The following RARS2 variants were observed in gnomAD, a reference collection of about 807,000 sequenced individuals.
RARS2 encodes probable arginine--tRNA ligase, mitochondrial.
In RARS2, 67 loss-of-function variants were observed where a neutral mutation model predicts 88.5. That is an observed-to-expected ratio of 0.76 (90% CI 0.62 to 0.93). The LOEUF is 0.93. Ranked by LOEUF, RARS2 falls within the 40% of genes least tolerant of loss-of-function variation. RARS2 has a pLI of 0.00. For missense variants in RARS2, 664 were observed against 684.2 expected (o/e 0.97, Z 0.33); for synonymous variants, 239 against 230.3 (o/e 1.04, Z -0.34).
At chr6:87,549,871 G>C (rs1164451851) in intron 5 of RARS2, among the ~76,000 whole-genome samples, 1 of 152,168 alleles carries the variant, frequency 6.6e-6, no homozygotes, top group African/African-American at 2.4e-5. Context: ...TTGAATATGT[G>C]TAATGAACAT....
At chr6:87,586,984 T>C (rs865895003) in intron 1 of RARS2, among the ~76,000 whole-genome samples, 4 of 151,994 alleles carry the variant, frequency 2.6e-5, no homozygotes, top group African/African-American at 9.7e-5. Context: ...TCTTGGCTCA[T>C]TGCAACCTCC....
chr6:87,584,607 C>A (rs1562281636), intron 1 of RARS2: 1 of 366,410 alleles, frequency 2.7e-6, no homozygotes, highest in South Asian at 2.0e-5. Flanking sequence ...AATTCTAATC[C>A]TTCCCACCAT....
At chr6:87,555,145 A>AAATAAATAAATAAATG in intron 5 of RARS2, among the ~76,000 whole-genome samples, 1 of 150,346 alleles carries the variant, frequency 6.7e-6, no homozygotes, top group East Asian at 1.9e-4. Context: ...ATAAATAAAT[A>AAATAAATAAATAAATG]AAGTGAATAA....
chr6:87,519,488 G>A, intron 14 of RARS2, 95 bp downstream of exon 14: 5 of 1,371,894 alleles, frequency 3.6e-6, no homozygotes, highest in Non-Finnish European at 5.2e-6. Flanking sequence ...CACTTCAATG[G>A]AGGGACAGAC....
At chr6:87,589,654 G>A in intron 1 of RARS2, 2 of 984,846 alleles carry the variant, frequency 2.0e-6, no homozygotes, top group Non-Finnish European at 2.4e-6. Flanking sequence ...CCCAGGTAAA[G>A]CATTCATAGC....
At chr6:87,527,575 G>T (rs1024264634) in intron 10 of RARS2, among the ~76,000 whole-genome samples, 12 of 152,096 alleles carry the variant, frequency 7.9e-5, no homozygotes, top group Non-Finnish European at 1.3e-4. Context: ...AACTAAAAAA[G>T]CTTCTGCACA....
chr6:87,519,204 G>GTATATATA (rs1490296169), intron 14 of RARS2: 1 of 271,986 alleles, frequency 3.7e-6, no homozygotes, highest in African/African-American at 2.5e-5. Context: ...GTGTGTGTGT[G>GTATATATA]TGTGTATATA....
At chr6:87,577,706 A>C (rs544024153) in intron 1 of RARS2, among the ~76,000 whole-genome samples, 3 of 152,340 alleles carry the variant, frequency 2.0e-5, no homozygotes, top group South Asian at 4.1e-4. Flanking sequence ...TAAATGTTAT[A>C]AACTTTGAGT....
chr6:87,546,746 A>G (rs1262203614), intron 6 of RARS2, among the ~76,000 whole-genome samples: 1 of 152,218 alleles, frequency 6.6e-6, no homozygotes, highest in Non-Finnish European at 1.5e-5. Flanking sequence ...GCCTTTACTA[A>G]GAATGGATTT....
chr6:87,539,180 A>G (rs949041867), intron 8 of RARS2, among the ~76,000 whole-genome samples: 5 of 152,206 alleles, frequency 3.3e-5, no homozygotes, highest in African/African-American at 9.6e-5. Flanking sequence ...TAACTCTCAC[A>G]TGTCATGCTG....
rs533972515 is a variant in RARS2, at chr6:87,560,333, A to G, written c.297+2369T>C. Among the ~76,000 whole-genome samples, 4 of 152,218 alleles carry G rather than the reference A, an allele frequency of 2.6e-5. No homozygotes were observed. The South Asian group carries it at 6.2e-4, about 24-fold the overall frequency. On this transcript the variant is annotated intron_variant, in intron 4 of 19. Transcript: ENST00000369536. Reference sequence around the variant, plus strand: ...GATGTTATCCATTGTGTATTTCTGAAGCATCCCTAAGAAAACAGGGTTTTG... The same window carrying G: ...GATGTTATCCATTGTGTATTTCTGAGGCATCCCTAAGAAAACAGGGTTTTG...
At chr6:87,541,669 C>G (rs887916349) in intron 8 of RARS2, among the ~76,000 whole-genome samples, 5 of 152,016 alleles carry the variant, frequency 3.3e-5, no homozygotes, top group Admixed American at 6.5e-5. Context: ...ACTAAAAATA[C>G]AAAAATTAGC....
Position 87,529,546 on chromosome 6 carries a change from T to C in RARS2, c.874A>G (p.Thr292Ala). Reference sequence around the variant, plus strand: ...AGAATAGTAACCTGATCATACATTGTTTTCAGTAGGAGTCCTTTACTCTCC... The same window carrying C: ...AGAATAGTAACCTGATCATACATTGCTTTCAGTAGGAGTCCTTTACTCTCC... ...LLESKGLLLK[T>A]IKGTAVVDLS... Residue 292 changes from threonine (T) to alanine (A), a missense_variant, in exon 10 of 20, where the codon ACA (threonine) becomes GCA (alanine). Coordinates refer to ENST00000369536, the MANE Select transcript of RARS2 (RefSeq NM_020320.5). 3 of 1,550,892 alleles carry C rather than the reference T, an allele frequency of 1.9e-6. No individual in the cohort carries two copies. Among genetic ancestry groups the C allele is most frequent in the Non-Finnish European group, 2.7e-6 (3 of 1,122,708 alleles).
At chr6:87,518,116 T>C (rs1395671245) in intron 17 of RARS2, 53 bp downstream of exon 17, 8 of 1,613,702 alleles carry the variant, frequency 5.0e-6, no homozygotes, top group East Asian at 2.2e-5. Context: ...AAAATGCTAA[T>C]AGCCATTTTG....
intron 19 of RARS2, 42 bp from the exon 20 acceptor site, chr6:87,514,541 A>G (rs759124177): frequency 6.8e-7 from 1 of 1,476,520 alleles, no homozygotes; most frequent in South Asian, 1.1e-5. Context: ...ATTCAGTAAC[A>G]GGAATGTATT....
At chr6:87,555,314 T>G in intron 5 of RARS2, 94 bp downstream of exon 5, 2 of 922,514 alleles carry the variant, frequency 2.2e-6, no homozygotes. Context: ...GTTTTCCACA[T>G]GTTATTTATT....
chr6:87,562,925 C>A, intron 3 of RARS2, 140 bp from the exon 4 acceptor site: 1 of 701,554 alleles, frequency 1.4e-6, no homozygotes, highest in South Asian at 1.5e-5. Context: ...AGTTCTCAGG[C>A]AATCTCTTTA....
rs768615396 is a variant in RARS2 at position 87,514,405 on chromosome 6, A to C, written c.*8T>G. ...CACTTGACATTTTAAAAGCCATTTT[A>C]ATGGAAATTACATCCTACATACAGG... On this transcript the variant is annotated 3_prime_UTR_variant, in exon 20 of 20. Transcript: ENST00000369536. The C allele has an allele frequency of 3.8e-6, 6 of 1,576,406 alleles. No individual in the cohort carries two copies. Among genetic ancestry groups the C allele is most frequent in the Non-Finnish European group, 4.4e-6 (5 of 1,145,780 alleles).
intron 1 of RARS2, among the ~76,000 whole-genome samples, chr6:87,570,332 G>A (rs1304059255): frequency 3.9e-5 from 6 of 152,050 alleles, no homozygotes; most frequent in Admixed American, 2.0e-4. Flanking sequence ...AAAGCTCCTC[G>A]CACGACTGTT....
Sources: gnomAD v4.1 joint callset for allele counts (sites outside exome capture counted in the v4.1 genomes callset) on GRCh38, gnomAD v4.1.1 for gene constraint, MANE v1.5 for transcripts, NCBI Gene and HGNC (gene_info 2026-07-23, HGNC 2026-07-21) for gene names.